The following SMAP2 variants were observed in gnomAD, a reference collection of about 807,000 sequenced individuals.
The protein encoded by SMAP2 is small ArfGAP2.
SMAP2 carries 25 observed loss-of-function variants against 56.4 expected under a neutral mutation model. The ratio of observed to expected loss-of-function variants is 0.44; its 90% confidence interval spans 0.32 to 0.62. SMAP2 has a LOEUF of 0.62. SMAP2 is among the 20% of genes least tolerant of loss of function. The pLI is 0.04. For synonymous variants in SMAP2, 157 were observed against 181.7 expected (o/e 0.86, Z 1.09); for missense variants, 388 against 545.6 (o/e 0.71, Z 2.88).
At chr1:40,380,308 C>T (rs967725331) in intron 1 of SMAP2, among the ~76,000 whole-genome samples, 10 of 152,184 alleles carry the variant, frequency 6.6e-5, no homozygotes, top group African/African-American at 2.2e-4. Context: ...AGGATGGTCT[C>T]TGGATGTTTC....
intron 2 of SMAP2, among the ~76,000 whole-genome samples, chr1:40,363,704 C>T (rs1197940111): frequency 1.3e-5 from 2 of 152,166 alleles, no homozygotes; most frequent in African/African-American, 2.4e-5. Flanking sequence ...GAAGAGAGTA[C>T]AAAAGACAGT....
At chr1:40,359,446 G>C (rs768306738) in intron 1 of SMAP2, among the ~76,000 whole-genome samples, 8 of 152,066 alleles carry the variant, frequency 5.3e-5, no homozygotes, top group Non-Finnish European at 1.0e-4. Context: ...CAGATCACCA[G>C]GTCTTGTTTT....
At chr1:40,380,661 C>T (rs539159259) in intron 1 of SMAP2, among the ~76,000 whole-genome samples, 1 of 151,966 alleles carries the variant, frequency 6.6e-6, no homozygotes, top group South Asian at 2.1e-4. Flanking sequence ...TCCCGAGTGG[C>T]TGGGATTAGA....
rs1407506066 is a variant in SMAP2, at chr1:40,422,070, A to G, written c.1259A>G (p.Asn420Ser). 1.2e-6 allele frequency: 2 copies of G among 1,614,162 alleles called. No homozygotes were observed. Among genetic ancestry groups the G allele is most frequent in the Non-Finnish European group, 1.7e-6 (2 of 1,180,012 alleles). The change falls in exon 10 of 10, where the codon AAT becomes AGT. Residue 420 changes from asparagine (N) to serine (S), a missense_variant. Asn to Ser is a conservative substitution (Grantham distance 46). Transcript: ENST00000372718. ...SMSGGNGQAANQTLSPQMWK is the reference protein window; with the variant it reads ...SMSGGNGQAASQTLSPQMWK ...AGTGGCGGAAATGGACAGGCAGCAA[A>G]TCAGACTCTCAGTCCTCAGATGTGG... is the stretch of plus-strand genomic sequence containing the variant.
At chr1:40,346,813 C>T (rs1322310572) in intron 1 of SMAP2, among the ~76,000 whole-genome samples, 3 of 151,288 alleles carry the variant, frequency 2.0e-5, no homozygotes, top group Non-Finnish European at 4.4e-5. Context: ...TATAATTAAA[C>T]TTCTTTTGCT....
At chr1:40,356,375 G>A (rs1644435578) in intron 1 of SMAP2, among the ~76,000 whole-genome samples, 1 of 147,630 alleles carries the variant, frequency 6.8e-6, no homozygotes, top group South Asian at 2.2e-4. Flanking sequence ...TCATATGGTT[G>A]TTCTATTTTT....
chr1:40,406,893 G>C, intron 2 of SMAP2, 24 bp downstream of exon 2: 2 of 1,597,792 alleles, frequency 1.3e-6, no homozygotes, highest in Non-Finnish European at 1.7e-6. Context: ...GAGTGAGTCA[G>C]CTGCTTCCAT....
intron 9 of SMAP2, 39 bp downstream of exon 9, chr1:40,417,135 C>G (rs770814668): frequency 2.0e-6 from 3 of 1,512,912 alleles, no homozygotes; most frequent in Non-Finnish European, 2.7e-6. Flanking sequence ...GAGTTTTGAG[C>G]CTTCCTCAAG....
intron 2 of SMAP2, 22 bp downstream of exon 2, chr1:40,406,891 C>T (rs771204359): frequency 6.3e-7 from 1 of 1,597,774 alleles, no homozygotes; most frequent in Non-Finnish European, 8.6e-7. Context: ...AAGAGTGAGT[C>T]AGCTGCTTCC....
intron 4 of SMAP2, among the ~76,000 whole-genome samples, chr1:40,410,871 T>G (rs375160507): frequency 1.3e-5 from 2 of 152,216 alleles, no homozygotes; most frequent in South Asian, 2.1e-4. Flanking sequence ...GAAAATTCTC[T>G]TAGGAATAAT....
At chr1:40,381,610 G>A (rs898880446) in intron 1 of SMAP2, among the ~76,000 whole-genome samples, 1 of 151,860 alleles carries the variant, frequency 6.6e-6, no homozygotes, top group African/African-American at 2.4e-5. Flanking sequence ...GTGATGAGGA[G>A]TAGAGTTTGA....
Position 40,408,596 on chromosome 1 carries a change from T to G in SMAP2, c.238-57T>G. ...TACAGTAGTGGAATTGGGTGAGAAG[T>G]TTTTCAGTTCTTTCTTGATCTGACG... On this transcript the variant is annotated intron_variant, in intron 2 of 9. Transcript: ENST00000372718. This position sits in a 1 kb window ranked among gnomAD's most constrained non-coding sequence, Gnocchi z 4.3. 6.7e-7 allele frequency: 1 copy of G among 1,486,836 alleles called. No individual in the cohort carries two copies. The highest frequency in any genetic ancestry group is 9.4e-7 in the Non-Finnish European group (1 of 1,066,484). 92.1% of individuals were successfully genotyped at this position (1,486,836 alleles called of 1,614,324 possible).
At chr1:40,407,511 T>G (rs1356775370) in intron 2 of SMAP2, among the ~76,000 whole-genome samples, 1 of 152,124 alleles carries the variant, frequency 6.6e-6, no homozygotes, top group East Asian at 1.9e-4. Context: ...TAAATAAAAA[T>G]TCACTTTTTA....
chr1:40,416,100 A>G, intron 7 of SMAP2, 76 bp from the exon 8 acceptor site: 2 of 1,388,074 alleles, frequency 1.4e-6, no homozygotes, highest in Non-Finnish European at 9.9e-7. Flanking sequence ...TAGGAGCAGC[A>G]GAGAGGGAAG....
chr1:40,377,559 T>C (rs1644552621), intron 1 of SMAP2, among the ~76,000 whole-genome samples: 3 of 152,168 alleles, frequency 2.0e-5, no homozygotes, highest in African/African-American at 7.2e-5. Context: ...ATGTGACTTT[T>C]AGGGTGAACT....
Position 40,406,982 on chromosome 1 carries a change from T to TA in SMAP2, c.237+116dup. 3 of 1,147,028 alleles carry TA rather than the reference T, an allele frequency of 2.6e-6. No individual in the cohort carries two copies. In the South Asian group the frequency reaches 4.9e-5, roughly 19 times the overall value. The allele number at this position is 1,147,028 out of a possible 1,614,324, so 71.1% of individuals were successfully genotyped here. A position where few individuals can be genotyped will look rare whatever the true frequency, so the allele number is the denominator to read the frequency against. ...TGAAGATAAAGGAAAATTTAGTTGTTAAACACTTAACATCAGATTCTTGTA... is the reference window on the plus strand; with the variant it reads ...TGAAGATAAAGGAAAATTTAGTTGTTAAAACACTTAACATCAGATTCTTGTA... On this transcript the variant is annotated intron_variant, in intron 2 of 9. Coordinates refer to ENST00000372718, the MANE Select transcript of SMAP2 (RefSeq NM_022733.3).
At position 40,401,972 on chromosome 1, in the gene SMAP2, C is replaced by T. The variant is rs896466119; in HGVS notation, c.104-4764C>T. ...TTTTAGTATTGCTTGATGCTGCCCA[C>T]GCCTGCTCTTAGGCTCCTGTTGAAT... On this transcript the variant is annotated intron_variant, in intron 1 of 9. Transcript: ENST00000372718. 1.3e-4 allele frequency among the ~76,000 whole-genome samples: 20 copies of T among 152,290 alleles called. 1 individual carries two copies. The highest frequency in any genetic ancestry group is 6.5e-4 in the Admixed American group (10 of 15,300).
intron 1 of SMAP2, among the ~76,000 whole-genome samples, chr1:40,384,354 G>A (rs1473652731): frequency 6.6e-6 from 1 of 152,150 alleles, no homozygotes; most frequent in Non-Finnish European, 1.5e-5. Flanking sequence ...AGATCACTGG[G>A]TCTGTTTTCT....
chr1:40,348,433 G>A (rs1207711576), intron 1 of SMAP2, among the ~76,000 whole-genome samples: 3 of 152,024 alleles, frequency 2.0e-5, no homozygotes, highest in East Asian at 1.9e-4. Context: ...AGTGGCTCAC[G>A]CCTGTAATCC....
Sources: allele counts gnomAD v4.1 joint callset (sites outside exome capture counted in the v4.1 genomes callset), GRCh38; gene constraint gnomAD v4.1.1; non-coding constraint Gnocchi (gnomAD v3.1); transcripts MANE v1.5; gene names NCBI Gene and HGNC (gene_info 2026-07-23, HGNC 2026-07-21).